MAPKAP1: variants seen among roughly 807,000 people sequenced by gnomAD.
MAPKAP1 encodes target of rapamycin complex 2 subunit MAPKAP1.
Under a neutral mutation model 65.7 loss-of-function variants are expected in MAPKAP1, and 20 were observed. The observed-to-expected ratio is 0.30, with a 90% CI of 0.21 to 0.44. MAPKAP1 has a LOEUF of 0.44. Ranked by LOEUF, MAPKAP1 falls within the 20% of genes least tolerant of loss-of-function variation. The pLI, the probability that MAPKAP1 is intolerant of heterozygous loss-of-function variation, is 1.00. For synonymous variants in MAPKAP1, 222 were observed against 244.3 expected (o/e 0.91, Z 0.85); for missense variants, 423 against 648.0 (o/e 0.65, Z 3.77).
At chr9:125,551,085 C>A (rs1830570579) in intron 6 of MAPKAP1, among the ~76,000 whole-genome samples, 1 of 151,816 alleles carries the variant, frequency 6.6e-6, no homozygotes, top group African/African-American at 2.4e-5. Context: ...TTTAAAATAT[C>A]ATAAAAAAGA....
intron 3 of MAPKAP1, among the ~76,000 whole-genome samples, chr9:125,669,315 T>C (rs1438241392): frequency 6.6e-6 from 1 of 151,690 alleles, no homozygotes; most frequent in Non-Finnish European, 1.5e-5. Context: ...ATCCCATCTC[T>C]ACTAAAAATA....
chr9:125,640,340 TG>T (rs1452260082), intron 4 of MAPKAP1, among the ~76,000 whole-genome samples: 1 of 152,032 alleles, frequency 6.6e-6, no homozygotes. Context: ...TCTGACCTCG[TG>T]ATCCGCCCGC....
intron 8 of MAPKAP1, among the ~76,000 whole-genome samples, chr9:125,503,828 T>C (rs527499418): frequency 2.7e-5 from 4 of 145,980 alleles, no homozygotes; most frequent in African/African-American, 1.0e-4. Flanking sequence ...GCGATTCTCG[T>C]GCCTCAGCCT....
At chr9:125,566,354 C>CAGG (rs1482372364) in intron 5 of MAPKAP1, among the ~76,000 whole-genome samples, 2 of 152,064 alleles carry the variant, frequency 1.3e-5, no homozygotes, top group African/African-American at 4.8e-5. Context: ...TGCTTGAGCC[C>CAGG]AGGAGTTTGA....
At position 125,527,715 on chromosome 9, in the gene MAPKAP1, G is replaced by C. The variant is rs146362746; in HGVS notation, c.958+15344C>G. Among the ~76,000 whole-genome samples, 4 of 152,180 alleles carry C rather than the reference G, an allele frequency of 2.6e-5. No homozygotes were observed. In the East Asian group the frequency reaches 7.7e-4, roughly 29 times the overall value. On this transcript the variant is annotated intron_variant, in intron 7 of 11. Coordinates refer to ENST00000265960, the MANE Select transcript of MAPKAP1 (RefSeq NM_001006617.3). Reference sequence around the variant, plus strand: ...TAGCTTCCTACAGTAACTTCCTCCTGCTGGGCACCCTTACGTGACTATCAA... The same window carrying C: ...TAGCTTCCTACAGTAACTTCCTCCTCCTGGGCACCCTTACGTGACTATCAA...
At chr9:125,578,144 G>A (rs964205624) in intron 5 of MAPKAP1, among the ~76,000 whole-genome samples, 1 of 152,116 alleles carries the variant, frequency 6.6e-6, no homozygotes, top group South Asian at 2.1e-4. Flanking sequence ...CCAACCCGGT[G>A]CTCTCTGAAA....
chr9:125,490,526 C>T (rs192533483), intron 8 of MAPKAP1, among the ~76,000 whole-genome samples: 18 of 151,770 alleles, frequency 1.2e-4, no homozygotes, highest in African/African-American at 4.1e-4. Context: ...GCAACAAGAA[C>T]GAAACTCTGT....
intron 10 of MAPKAP1, among the ~76,000 whole-genome samples, chr9:125,458,822 C>T (rs1457528649): frequency 2.4e-4 from 20 of 82,846 alleles, no homozygotes; most frequent in African/African-American, 5.7e-4. Flanking sequence ...ACCTCCCGGA[C>T]GGGGCGGCTG....
intron 1 of MAPKAP1, among the ~76,000 whole-genome samples, chr9:125,673,985 A>G (rs1834571452): frequency 6.6e-6 from 1 of 152,064 alleles, no homozygotes; most frequent in Admixed American, 6.5e-5. Flanking sequence ...CACTGTAATA[A>G]TATTTGTTCT....
intron 4 of MAPKAP1, among the ~76,000 whole-genome samples, chr9:125,611,942 A>T (rs1452192820): frequency 2.0e-5 from 3 of 152,242 alleles, no homozygotes; most frequent in Admixed American, 1.3e-4. Context: ...TTACAGATTG[A>T]GTATCCCCTA....
chr9:125,491,674 G>A (rs1446862501), intron 8 of MAPKAP1, among the ~76,000 whole-genome samples: 1 of 151,742 alleles, frequency 6.6e-6, no homozygotes, highest in East Asian at 1.9e-4. Flanking sequence ...CCAGCTACTG[G>A]GGAAGCCGAG....
chr9:125,586,723 T>G (rs372279991), intron 4 of MAPKAP1, among the ~76,000 whole-genome samples: 2 of 152,280 alleles, frequency 1.3e-5, no homozygotes, highest in East Asian at 3.9e-4. Flanking sequence ...ACAGAAGGCT[T>G]GCACACTGGC....
At chr9:125,590,152 C>G (rs1448049210) in intron 4 of MAPKAP1, among the ~76,000 whole-genome samples, 2 of 152,186 alleles carry the variant, frequency 1.3e-5, no homozygotes, top group East Asian at 3.8e-4. Flanking sequence ...TTCACAGTCT[C>G]TCAAGATATG....
At chr9:125,609,031 A>T (rs1367515841) in intron 4 of MAPKAP1, among the ~76,000 whole-genome samples, 1 of 152,204 alleles carries the variant, frequency 6.6e-6, no homozygotes, top group Non-Finnish European at 1.5e-5. Flanking sequence ...AGACTGAGTC[A>T]TATCAAGAGG....
intron 4 of MAPKAP1, among the ~76,000 whole-genome samples, chr9:125,611,859 C>A (rs542966352): frequency 7.9e-5 from 12 of 152,250 alleles, no homozygotes; most frequent in African/African-American, 2.6e-4. Flanking sequence ...CTATCAACAG[C>A]AGGAAATTCA....
In MAPKAP1 at chr9:125,447,325, G is replaced by T. The variant is rs765102302; in HGVS notation, c.1346-2727C>A. ...TGTCCTTTCCAGTGAAAGCACTCAC[G>T]CCATAGGAGAGGGGAACAGAGGGCA... On this transcript the variant is annotated intron_variant, in intron 10 of 11. Transcript: ENST00000265960. The surrounding 1 kb of genome is among the most constrained non-coding windows in gnomAD (Gnocchi z 4.5). The T allele has an allele frequency of 1.3e-5, 6 of 447,706 alleles. No homozygotes were observed. In the Admixed American group the frequency reaches 1.4e-4, roughly 11 times the overall value. 27.7% of individuals were successfully genotyped at this position (447,706 alleles called of 1,614,324 possible). A position where few individuals can be genotyped will look rare whatever the true frequency, so the allele number is the denominator to read the frequency against.
intron 1 of MAPKAP1, among the ~76,000 whole-genome samples, chr9:125,693,710 C>CGT (rs1329696587): frequency 0.022 from 2,902 of 129,622 alleles, 223 homozygotes; most frequent in East Asian, 0.13. Flanking sequence ...TATATATACA[C>CGT]ATATATACAC....
intron 10 of MAPKAP1, among the ~76,000 whole-genome samples, chr9:125,452,721 G>GT (rs1397297167): frequency 6.6e-6 from 1 of 151,976 alleles, no homozygotes; most frequent in Non-Finnish European, 1.5e-5. Flanking sequence ...GAGAAACCCT[G>GT]TCTCTACTAA....
chr9:125,530,313 T>C (rs1195422389), intron 7 of MAPKAP1, among the ~76,000 whole-genome samples: 2 of 152,214 alleles, frequency 1.3e-5, no homozygotes, highest in African/African-American at 4.8e-5. Flanking sequence ...AGAGATGTAA[T>C]GGGCACATGC....
Sources: allele counts gnomAD v4.1 joint callset (sites outside exome capture counted in the v4.1 genomes callset), GRCh38; gene constraint gnomAD v4.1.1; non-coding constraint Gnocchi (gnomAD v3.1); transcripts MANE v1.5; gene names NCBI Gene and HGNC (gene_info 2026-07-23, HGNC 2026-07-21).